The following IL1RAPL1 variants were observed in gnomAD, a reference collection of about 807,000 sequenced individuals.
IL1RAPL1 encodes the protein interleukin 1 receptor accessory protein like 1, also known as interleukin-1 receptor accessory protein-like 1.
In IL1RAPL1, 3 loss-of-function variants were observed where a neutral mutation model predicts 48.4. The ratio of observed to expected loss-of-function variants is 0.06; its 90% confidence interval spans 0.03 to 0.16. IL1RAPL1 has a LOEUF of 0.16. Among genes scored for constraint, IL1RAPL1 ranks in the 10% least tolerant of loss-of-function variants. The pLI, the probability that IL1RAPL1 is intolerant of heterozygous loss-of-function variation, is 1.00. For synonymous variants in IL1RAPL1, 185 were observed against 187.7 expected (o/e 0.99, Z 0.12); for missense variants, 349 against 530.6 (o/e 0.66, Z 3.36).
At chrX:28,832,129 C>G (rs1429784426) in intron 2 of IL1RAPL1, among the ~76,000 whole-genome samples, 1 of 110,987 alleles carries the variant, frequency 9.0e-6, no homozygotes, top group Non-Finnish European at 1.9e-5. Flanking sequence ...TTCTTCTAGC[C>G]ATTTGAAAAT....
intron 6 of IL1RAPL1, among the ~76,000 whole-genome samples, chrX:29,724,817 A>G (rs1927734334): frequency 8.9e-6 from 1 of 112,215 alleles, no homozygotes. Flanking sequence ...TATGAGGTCT[A>G]TCCTGACGCC....
chrX:29,626,928 G>A (rs762836660), intron 5 of IL1RAPL1, among the ~76,000 whole-genome samples: 3 of 111,970 alleles, frequency 2.7e-5, no homozygotes, highest in South Asian at 3.7e-4. Flanking sequence ...TAAATATAAC[G>A]CCTACGTAAC....
chrX:29,868,142 ATT>A (rs1489076092), intron 6 of IL1RAPL1, among the ~76,000 whole-genome samples: 2 of 111,922 alleles, frequency 1.8e-5, no homozygotes, highest in African/African-American at 6.5e-5. Flanking sequence ...GCATAATCCT[ATT>A]ACTTTTGGCT....
At chrX:28,941,106 T>G (rs1371129775) in intron 2 of IL1RAPL1, among the ~76,000 whole-genome samples, 1 of 111,406 alleles carries the variant, frequency 9.0e-6, no homozygotes, top group African/African-American at 3.2e-5. Context: ...ATAAAAAAAT[T>G]TGAAATTCTG....
chrX:29,094,809 C>A (rs1351554209), intron 2 of IL1RAPL1, among the ~76,000 whole-genome samples: 6 of 48,977 alleles, frequency 1.2e-4, no homozygotes, highest in Non-Finnish European at 1.0e-4. Flanking sequence ...AAAGAAACAT[C>A]TATTTAATAG....
intron 6 of IL1RAPL1, among the ~76,000 whole-genome samples, chrX:29,826,077 C>T (rs1264842311): frequency 9.0e-6 from 1 of 111,403 alleles, no homozygotes; most frequent in African/African-American, 3.3e-5. Context: ...AACTAATAAC[C>T]TGTGTTTCTG....
chrX:28,884,686 C>G (rs921717308), intron 2 of IL1RAPL1, among the ~76,000 whole-genome samples: 1 of 111,784 alleles, frequency 8.9e-6, no homozygotes. Flanking sequence ...AGATTGATTA[C>G]TAAACTAACA....
intron 2 of IL1RAPL1, among the ~76,000 whole-genome samples, chrX:29,011,459 A>G (rs888957174): frequency 2.7e-5 from 3 of 112,600 alleles, no homozygotes; most frequent in African/African-American, 9.7e-5. Flanking sequence ...GGAATTAACT[A>G]TTGTTAGCCT....
At chrX:29,676,584 G>A (rs764892081) in intron 6 of IL1RAPL1, among the ~76,000 whole-genome samples, 1 of 111,336 alleles carries the variant, frequency 9.0e-6, no homozygotes, top group African/African-American at 3.3e-5. Context: ...TAAGTACATA[G>A]TTATAACAGA....
At chrX:29,208,507 C>T (rs972136998) in intron 2 of IL1RAPL1, among the ~76,000 whole-genome samples, 5 of 109,390 alleles carry the variant, frequency 4.6e-5, no homozygotes, top group African/African-American at 1.0e-4. Context: ...GTCAGGAGAT[C>T]GAGACCATCC....
intron 2 of IL1RAPL1, among the ~76,000 whole-genome samples, chrX:29,062,112 T>G (rs1927354602): frequency 8.9e-6 from 1 of 112,391 alleles, no homozygotes; most frequent in South Asian, 3.6e-4. Flanking sequence ...TAATATTGTA[T>G]CTTTCAGACA....
At chrX:29,604,246 T>A (rs769436655) in intron 5 of IL1RAPL1, among the ~76,000 whole-genome samples, 3 of 111,991 alleles carry the variant, frequency 2.7e-5, no homozygotes, top group Admixed American at 9.5e-5. Context: ...GTCTTATAAG[T>A]GTCTGATGTA....
chrX:29,065,152 CT>C (rs59062867), intron 2 of IL1RAPL1, among the ~76,000 whole-genome samples: 163 of 101,761 alleles, frequency 1.6e-3, no homozygotes, highest in Admixed American at 2.1e-3. Context: ...TGCCTTTATA[CT>C]TTTTTTTTTT....
chrX:29,333,960 T>C (rs1932930693), intron 3 of IL1RAPL1, among the ~76,000 whole-genome samples: 3 of 91,299 alleles, frequency 3.3e-5, no homozygotes, highest in Non-Finnish European at 4.5e-5. Flanking sequence ...ACGGGGCGGC[T>C]GGCCGGGCGG....
chrX:29,798,456 A>G (rs1929798457), intron 6 of IL1RAPL1, among the ~76,000 whole-genome samples: 1 of 112,187 alleles, frequency 8.9e-6, no homozygotes, highest in South Asian at 3.7e-4. Flanking sequence ...AGTGTTGTAT[A>G]GCCTCATCCA....
intron 5 of IL1RAPL1, among the ~76,000 whole-genome samples, chrX:29,639,588 G>C (rs1405872482): frequency 1.1e-5 from 1 of 92,212 alleles, no homozygotes; most frequent in Non-Finnish European, 2.1e-5. Flanking sequence ...TACACAATCT[G>C]TGCATGGCTT....
At chrX:29,781,930 T>A (rs1266884735) in intron 6 of IL1RAPL1, among the ~76,000 whole-genome samples, 1 of 111,582 alleles carries the variant, frequency 9.0e-6, no homozygotes, top group Non-Finnish European at 1.9e-5. Context: ...TAAACCTCTA[T>A]CTTCCTTGAA....
chrX:29,245,715 A>G (rs1024872462), intron 2 of IL1RAPL1, among the ~76,000 whole-genome samples: 3 of 111,813 alleles, frequency 2.7e-5, no homozygotes, highest in Non-Finnish European at 3.8e-5. Flanking sequence ...ATTTTCTCCC[A>G]TTCTGTAGGT....
At chrX:29,376,470 C>T (rs61099232) in intron 3 of IL1RAPL1, among the ~76,000 whole-genome samples, 1 of 109,557 alleles carries the variant, frequency 9.1e-6, no homozygotes, top group Non-Finnish European at 1.9e-5. Flanking sequence ...TCCCCAGGCT[C>T]AGGTGATCCT....
Sources: allele counts gnomAD v4.1 joint callset (sites outside exome capture counted in the v4.1 genomes callset), GRCh38; gene constraint gnomAD v4.1.1; transcripts MANE v1.5; gene names NCBI Gene and HGNC (gene_info 2026-07-23, HGNC 2026-07-21).